The following TIAM1 variants were observed in gnomAD, a reference collection of about 807,000 sequenced individuals.
TIAM1 encodes the protein TIAM Rac1 associated GEF 1.
Under a neutral mutation model 163.5 loss-of-function variants are expected in TIAM1, and 65 were observed. The ratio of observed to expected loss-of-function variants is 0.40; its 90% CI spans 0.33 to 0.49. TIAM1 has a LOEUF of 0.49. TIAM1 is among the 20% of genes least tolerant of loss of function. The pLI is 0.77. For synonymous variants in TIAM1, 833 were observed against 810.1 expected, an observed-to-expected ratio of 1.03 and a Z score of -0.48; for missense variants, 1,789 against 2,044.7, an observed-to-expected ratio of 0.87 and a Z score of 2.41.
intron 2 of TIAM1, among the ~76,000 whole-genome samples, chr21:31,295,678 A>AATT (rs1032375677): frequency 5.9e-5 from 9 of 152,244 alleles, no homozygotes; most frequent in African/African-American, 1.9e-4. Context: ...AAGGAATACC[A>AATT]ATTGCCACAG....
chr21:31,369,421 G>A (rs1448604810), intron 2 of TIAM1, among the ~76,000 whole-genome samples: 1 of 145,902 alleles, frequency 6.9e-6, no homozygotes, highest in African/African-American at 2.6e-5. Flanking sequence ...AGGAGGGAAG[G>A]GAGGATAAGG....
At chr21:31,293,107 A>T (rs1006469488) in intron 2 of TIAM1, among the ~76,000 whole-genome samples, 1 of 152,184 alleles carries the variant, frequency 6.6e-6, no homozygotes, top group Non-Finnish European at 1.5e-5. Flanking sequence ...TACAGGTGTG[A>T]GCCACCGTGC....
At chr21:31,386,221 G>A (rs911838619) in intron 2 of TIAM1, among the ~76,000 whole-genome samples, 9 of 151,956 alleles carry the variant, frequency 5.9e-5, no homozygotes, top group Non-Finnish European at 1.5e-5. Context: ...CCGCAGCCCT[G>A]GCACGGGTGC....
chr21:31,346,595 C>T (rs532947932), upstream of TIAM1, among the ~76,000 whole-genome samples: 1 of 152,140 alleles, frequency 6.6e-6, no homozygotes, highest in Non-Finnish European at 1.5e-5. Context: ...TGGTGTGCAG[C>T]GAGAGATGTG....
chr21:31,353,648 G>A (rs914061554), intron 2 of TIAM1, among the ~76,000 whole-genome samples: 1 of 151,924 alleles, frequency 6.6e-6, no homozygotes, highest in Non-Finnish European at 1.5e-5. Context: ...GGCACGGAGA[G>A]GTTAAATGAA....
In TIAM1 at chr21:31,153,102, C is replaced by A. The variant is rs746981295; in HGVS notation, c.3204G>T (p.Lys1068Asn). ...TGAGAAAAGTTTCTTTTTGAAGAGG[C>A]TTTAGGTATCTCTCCATAAGACAGT... The part of the protein sequence containing the change: ...DLNCLMERYL[K>N]PLQKETFLTQ... The change falls in exon 18 of 28, where the codon AAG becomes AAT. Residue 1068 changes from lysine to asparagine, a missense_variant. Physicochemically the swap from Lys to Asn is moderately conservative, Grantham distance 94. Coordinates refer to ENST00000541036, the MANE Select transcript of TIAM1 (RefSeq NM_001353694.2). The A allele has an allele frequency of 6.2e-7, 1 of 1,613,466 alleles. No homozygotes were observed.
chr21:31,419,351 A>C (rs1180784312), intron 2 of TIAM1, among the ~76,000 whole-genome samples: 1 of 152,188 alleles, frequency 6.6e-6, no homozygotes, highest in Non-Finnish European at 1.5e-5. Context: ...AGAGTGATAA[A>C]AACAGGACAG....
intron 13 of TIAM1, among the ~76,000 whole-genome samples, chr21:31,193,039 T>G (rs527527825): frequency 6.6e-6 from 1 of 152,294 alleles, no homozygotes; most frequent in East Asian, 1.9e-4. Flanking sequence ...CAGCATGGAT[T>G]TTCCTCACTT....
intron 16 of TIAM1, among the ~76,000 whole-genome samples, chr21:31,157,723 C>T (rs772451755): frequency 1.3e-5 from 2 of 152,042 alleles, no homozygotes; most frequent in Non-Finnish European, 2.9e-5. Flanking sequence ...AGAAAACCCA[C>T]GAAGACCTGG....
chr21:31,447,592 G>A (rs904450283), intron 2 of TIAM1, among the ~76,000 whole-genome samples: 1 of 152,166 alleles, frequency 6.6e-6, no homozygotes, highest in African/African-American at 2.4e-5. Flanking sequence ...AAACTGAACT[G>A]TGAGTTCGGA....
At chr21:31,267,673 T>TGAGA (rs1260096416) in intron 3 of TIAM1, among the ~76,000 whole-genome samples, 1 of 150,762 alleles carries the variant, frequency 6.6e-6, no homozygotes, top group Admixed American at 6.6e-5. Context: ...CACAGCCTTC[T>TGAGA]GAGAACCTGG....
chr21:31,368,539 A>G (rs2076537186), intron 2 of TIAM1, among the ~76,000 whole-genome samples: 1 of 152,234 alleles, frequency 6.6e-6, no homozygotes, highest in Non-Finnish European at 1.5e-5. Context: ...AAAGCTAAAA[A>G]TAGCGACCAA....
chr21:31,230,762 G>A (rs1266289573), intron 6 of TIAM1, among the ~76,000 whole-genome samples: 1 of 152,142 alleles, frequency 6.6e-6, no homozygotes, highest in Non-Finnish European at 1.5e-5. Context: ...TTGAACTCCT[G>A]ACCTCAAGTG....
chr21:31,120,443 C>T lies in TIAM1; in HGVS notation c.4701G>A (p.Glu1567=). Residue 1567 remains glutamate (E), a synonymous_variant, in exon 28 of 28, where the codon GAG becomes GAA. Transcript: ENST00000541036. This position sits in a 1 kb window ranked among gnomAD's most constrained non-coding sequence, Gnocchi z 4.2. ...CCCAAATGACTTCCTCGCTTGCGCTCTCCAGGCCTCCATTGATCCCCGACA... is the reference window on the plus strand; with the variant it reads ...CCCAAATGACTTCCTCGCTTGCGCTTTCCAGGCCTCCATTGATCCCCGACA... ...AALSGINGGL[E]SASEEVIWVR... 6.2e-7 allele frequency: 1 copy of T among 1,614,226 alleles called. No homozygotes were observed. The highest frequency in any genetic ancestry group is 8.5e-7 in the Non-Finnish European group (1 of 1,180,042).
chr21:31,273,055 C>T lies in TIAM1; in HGVS notation c.-12+3677G>A, dbSNP rs142982620. Among the ~76,000 whole-genome samples the T allele has an allele frequency of 9.1e-3, 1,387 of 152,018 alleles. 13 individuals are homozygous for T. Among genetic ancestry groups the T allele is most frequent in the Middle Eastern group, 0.017 (5 of 294 alleles). On this transcript the variant is annotated intron_variant, in intron 3 of 27. Transcript: ENST00000541036. ...GCTAATGACAACTAAAAACTCTGGA[C>T]CAAAAAGTAAACAAAAGCAAACAAA... is the stretch of plus-strand genomic sequence containing the variant.
At chr21:31,229,778 G>A (rs950330397) in intron 6 of TIAM1, among the ~76,000 whole-genome samples, 2 of 151,542 alleles carry the variant, frequency 1.3e-5, no homozygotes, top group Admixed American at 6.6e-5. Flanking sequence ...TCAGCCTCCC[G>A]AGCAGTTGGA....
intron 10 of TIAM1, among the ~76,000 whole-genome samples, chr21:31,210,588 AAGAAAGAG>A (rs1164187458): frequency 3.5e-5 from 4 of 114,160 alleles, no homozygotes; most frequent in African/African-American, 1.4e-4. Flanking sequence ...GAAAGAAAGA[AAGAAAGAG>A]AGAAAGAAGG....
At chr21:31,462,652 T>C (rs1281585359) in intron 2 of TIAM1, among the ~76,000 whole-genome samples, 1 of 152,008 alleles carries the variant, frequency 6.6e-6, no homozygotes, top group Non-Finnish European at 1.5e-5. Flanking sequence ...CAACATTCCA[T>C]CATGGGGTTT....
chr21:31,193,402 G>C (rs1292713440), intron 13 of TIAM1, among the ~76,000 whole-genome samples: 1 of 152,104 alleles, frequency 6.6e-6, no homozygotes, highest in Non-Finnish European at 1.5e-5. Flanking sequence ...GGTGCCTAGG[G>C]AACCAGCCTC....
Sources: gnomAD v4.1 joint callset for allele counts (sites outside exome capture counted in the v4.1 genomes callset) on GRCh38, gnomAD v4.1.1 for gene constraint, Gnocchi (gnomAD v3.1) non-coding constraint, MANE v1.5 for transcripts, NCBI Gene and HGNC (gene_info 2026-07-23, HGNC 2026-07-21) for gene names.